The following GRIK2 variants were observed in gnomAD, a reference collection of about 807,000 sequenced individuals.
GRIK2 encodes glutamate ionotropic receptor kainate type subunit 2, also known as glutamate receptor ionotropic, kainate 2.
In GRIK2, 32 loss-of-function variants were observed where a neutral mutation model predicts 100.3. That is an observed-to-expected ratio of 0.32 (90% confidence interval 0.24 to 0.43). The LOEUF is 0.43. Ranked by LOEUF, GRIK2 falls within the 20% of genes least tolerant of loss-of-function variation. GRIK2 has a pLI of 1.00. For missense variants in GRIK2, 843 were observed against 1,114.9 expected (o/e 0.76, Z 3.47); for synonymous variants, 417 against 389.4 (o/e 1.07, Z -0.83).
At chr6:101,519,490 GAGTCACACTGCC>G (rs1774764989) in intron 2 of GRIK2, among the ~76,000 whole-genome samples, 1 of 151,914 alleles carries the variant, frequency 6.6e-6, no homozygotes, top group Non-Finnish European at 1.5e-5. Context: ...AGTGTTCCTT[GAGTCACACTGCC>G]AGTGAAAGTT....
At chr6:101,433,604 C>T (rs1769546993) in intron 2 of GRIK2, among the ~76,000 whole-genome samples, 1 of 151,368 alleles carries the variant, frequency 6.6e-6, no homozygotes, top group Non-Finnish European at 1.5e-5. Context: ...TATTTTTTTT[C>T]TTCATTGAAA....
At chr6:101,680,968 A>G (rs12197028) in intron 5 of GRIK2, among the ~76,000 whole-genome samples, 7,515 of 152,246 alleles carry the variant, frequency 0.049, 245 homozygotes, top group Non-Finnish European at 0.078. Context: ...TCATTAACCA[A>G]TGTTTCTCCC....
intron 2 of GRIK2, chr6:101,431,207 C>A (rs559928774): frequency 3.1e-5 from 6 of 196,582 alleles, no homozygotes; most frequent in African/African-American, 1.2e-4. Flanking sequence ...GATGCCAGAT[C>A]TTCTCCATGT....
chr6:102,005,203 A>ATATG (rs1795148799), intron 14 of GRIK2, among the ~76,000 whole-genome samples: 1 of 151,294 alleles, frequency 6.6e-6, no homozygotes, highest in Admixed American at 6.6e-5. Context: ...ATGTACATAT[A>ATATG]TATGTGTATA....
chr6:101,982,992 A>C (rs202147547), intron 14 of GRIK2, among the ~76,000 whole-genome samples: 2 of 151,848 alleles, frequency 1.3e-5, no homozygotes, highest in East Asian at 1.9e-4. Context: ...AACATGCCTA[A>C]AAGATGGAAT....
chr6:101,771,793 T>C (rs1044601624), intron 7 of GRIK2, among the ~76,000 whole-genome samples: 4 of 151,184 alleles, frequency 2.6e-5, no homozygotes, highest in African/African-American at 4.9e-5. Flanking sequence ...TTTGGTTTTT[T>C]TGTCCTTGCG....
chr6:101,893,519 CTTTTG>C (rs1021532362), intron 12 of GRIK2, among the ~76,000 whole-genome samples: 29 of 151,618 alleles, frequency 1.9e-4, no homozygotes, highest in Non-Finnish European at 3.0e-4. Flanking sequence ...ATTAATTTTA[CTTTTG>C]TTTTGGTCAT....
intron 4 of GRIK2, among the ~76,000 whole-genome samples, chr6:101,668,875 T>C (rs949523543): frequency 6.6e-6 from 1 of 152,182 alleles, no homozygotes; most frequent in African/African-American, 2.4e-5. Context: ...TGTCTCCTCC[T>C]GGATTCTCCT....
chr6:101,582,737 A>T (rs141310666), intron 2 of GRIK2, among the ~76,000 whole-genome samples: 143 of 152,298 alleles, frequency 9.4e-4, no homozygotes, highest in African/African-American at 3.2e-3. Context: ...CATGAAATAC[A>T]CACATAAAGG....
At chr6:101,519,426 T>C (rs997255934) in intron 2 of GRIK2, among the ~76,000 whole-genome samples, 1 of 151,270 alleles carries the variant, frequency 6.6e-6, no homozygotes, top group African/African-American at 2.4e-5. Flanking sequence ...AACCAACCCA[T>C]GATATGAATA....
intron 2 of GRIK2, among the ~76,000 whole-genome samples, chr6:101,488,770 GT>G (rs529863180): frequency 4.1e-5 from 6 of 145,452 alleles, no homozygotes; most frequent in South Asian, 4.3e-4. Context: ...AATTTTCAAA[GT>G]TTTTTTTGTT....
intron 12 of GRIK2, among the ~76,000 whole-genome samples, chr6:101,896,024 A>G (rs753097116): frequency 5.3e-5 from 8 of 151,790 alleles, no homozygotes; most frequent in Non-Finnish European, 7.4e-5. Flanking sequence ...AAATATTTCC[A>G]TAGTAGATGA....
chr6:101,689,846 C>A (rs1293309027), intron 7 of GRIK2, among the ~76,000 whole-genome samples: 1 of 152,152 alleles, frequency 6.6e-6, no homozygotes, highest in Non-Finnish European at 1.5e-5. Flanking sequence ...ACTCTGCATT[C>A]TGTATTGTGT....
At chr6:101,772,112 C>T (rs1778444747) in intron 7 of GRIK2, among the ~76,000 whole-genome samples, 1 of 152,288 alleles carries the variant, frequency 6.6e-6, no homozygotes, top group East Asian at 1.9e-4. Flanking sequence ...TCTTCTCCCA[C>T]TTCCTCTCTT....
chr6:101,777,840 AG>A (rs1257800106), intron 7 of GRIK2, among the ~76,000 whole-genome samples: 1 of 152,182 alleles, frequency 6.6e-6, no homozygotes, highest in Non-Finnish European at 1.5e-5. Context: ...AATGTGTTCA[AG>A]GAACTGTTAC....
At chr6:101,617,268 T>A (rs1779932924) in intron 2 of GRIK2, among the ~76,000 whole-genome samples, 1 of 151,708 alleles carries the variant, frequency 6.6e-6, no homozygotes, top group Non-Finnish European at 1.5e-5. Flanking sequence ...ATCACCAGCA[T>A]CCCAAAAGCA....
At chr6:101,816,913 T>A (rs1781667739) in intron 9 of GRIK2, among the ~76,000 whole-genome samples, 1 of 152,064 alleles carries the variant, frequency 6.6e-6, no homozygotes, top group African/African-American at 2.4e-5. Flanking sequence ...GGATTGGGAT[T>A]GTGGCCCCTC....
intron 10 of GRIK2, among the ~76,000 whole-genome samples, chr6:101,852,568 C>A (rs1479875055): frequency 6.6e-6 from 1 of 152,128 alleles, no homozygotes; most frequent in Non-Finnish European, 1.5e-5. Flanking sequence ...ATGTTTGGTG[C>A]TTTTGAAGCA....
chr6:101,462,456 T>C (rs1379227072), intron 2 of GRIK2, among the ~76,000 whole-genome samples: 1 of 150,920 alleles, frequency 6.6e-6, no homozygotes, highest in Non-Finnish European at 1.5e-5. Context: ...TCAGCAAAAA[T>C]AGAGTCAAGA....
Sources: allele counts gnomAD v4.1 joint callset (sites outside exome capture counted in the v4.1 genomes callset), GRCh38; gene constraint gnomAD v4.1.1; transcripts MANE v1.5; gene names NCBI Gene and HGNC (gene_info 2026-07-23, HGNC 2026-07-21).